RGPD4: variants seen among roughly 807,000 people sequenced by gnomAD.
RGPD4 encodes RANBP2 like and GRIP domain containing 4.
RGPD4 carries 84 observed loss-of-function variants against 141.1 expected under a neutral mutation model. The ratio of observed to expected loss-of-function variants is 0.60; its 90% CI spans 0.50 to 0.71. The LOEUF is 0.71. Among genes scored for constraint, RGPD4 ranks in the 30% least tolerant of loss-of-function variants. The probability of loss-of-function intolerance (pLI) is 0.00; values close to 1 mark genes in which losing one functional copy is unlikely to be tolerated. For synonymous variants in RGPD4, 298 were observed against 566.8 expected, an observed-to-expected ratio of 0.53 and a Z score of 6.74; for missense variants, 918 against 1,622.4, an observed-to-expected ratio of 0.57 and a Z score of 7.46.
chr2:107,828,395 G>A (rs1681316594), intron 1 of RGPD4, among the ~76,000 whole-genome samples: 1 of 10,532 alleles, frequency 9.5e-5, no homozygotes. Context: ...GGCGTGCTCT[G>A]TTGAGGCGGC....
intron 20 of RGPD4, among the ~76,000 whole-genome samples, chr2:107,878,554 G>A (rs991942523): frequency 6.6e-6 from 1 of 150,616 alleles, no homozygotes; most frequent in African/African-American, 2.5e-5. Flanking sequence ...TTACTCTAAG[G>A]TACATATGCT....
At chr2:107,846,612 G>T (rs1429793738) in intron 6 of RGPD4, among the ~76,000 whole-genome samples, 4 of 148,658 alleles carry the variant, frequency 2.7e-5, no homozygotes, top group Non-Finnish European at 6.0e-5. Context: ...AATTACAGGT[G>T]CCCACCACCA....
intron 7 of RGPD4, among the ~76,000 whole-genome samples, chr2:107,849,095 G>GT (rs1682040652): frequency 7.9e-6 from 1 of 126,784 alleles, no homozygotes; most frequent in Non-Finnish European, 1.7e-5. Context: ...TCTCTCTGTT[G>GT]CCAGGCTGGA....
At chr2:107,887,435 G>A (rs1675546575) in intron 22 of RGPD4, among the ~76,000 whole-genome samples, 1 of 152,036 alleles carries the variant, frequency 6.6e-6, no homozygotes, top group Non-Finnish European at 1.5e-5. Flanking sequence ...TTATGATGTT[G>A]GCTGTGAGTT....
At chr2:107,827,638 G>A (rs1169846565) in intron 1 of RGPD4, among the ~76,000 whole-genome samples, 4 of 45,936 alleles carry the variant, frequency 8.7e-5, no homozygotes, top group African/African-American at 4.0e-4. Context: ...CATGGCTCCC[G>A]ACGGGCGCTG....
intron 1 of RGPD4, among the ~76,000 whole-genome samples, chr2:107,831,430 C>T (rs1484602651): frequency 4.8e-5 from 7 of 146,612 alleles, no homozygotes; most frequent in African/African-American, 1.7e-4. Flanking sequence ...CTTAGGACTA[C>T]AGGCAGGCAC....
chr2:107,837,736 CT>C lies in RGPD4; in HGVS notation c.141-520del, dbSNP rs1421963449. Among the ~76,000 whole-genome samples, 2 of 12,224 alleles carry C rather than the reference CT, an allele frequency of 1.6e-4. 1 individual carries two copies. The highest frequency in any genetic ancestry group is 2.9e-4 in the Non-Finnish European group (2 of 6,856). The allele number at this position is 12,224 out of a possible 152,430, so 8.0% of individuals were successfully genotyped here. A position where few individuals can be genotyped will look rare whatever the true frequency, so the allele number is the denominator to read the frequency against. On this transcript the variant is annotated intron_variant, in intron 2 of 22. Coordinates refer to ENST00000408999, the MANE Select transcript of RGPD4 (RefSeq NM_182588.3). ...ACTTGATTTGAGAAATGGAAATTTC[CT>C]GTATTTGGTACTGTAATTAGTAATT...
chr2:107,872,684 T>C lies in RGPD4; in HGVS notation c.4680T>C (p.Phe1560=), dbSNP rs531872473. The change falls in exon 20 of 23, where the codon TTT becomes TTC. Residue 1560 remains phenylalanine, a synonymous_variant. Coordinates refer to ENST00000408999, the MANE Select transcript of RGPD4 (RefSeq NM_182588.3). The stretch of plus-strand genomic sequence containing the variant: ...GTGAAAAATCAAAACCATTTGCATT[T>C]GGCAACAGTTCTGCCACTGGGTCTT... The part of the protein sequence containing the change: ...FSSEKSKPFA[F]GNSSATGSLF... The C allele has an allele frequency of 3.1e-5, 50 of 1,611,360 alleles. No individual in the cohort carries two copies. The highest frequency in any genetic ancestry group is 3.8e-5 in the Non-Finnish European group (45 of 1,179,836).
rs1472508765 is a variant in RGPD4 at position 107,869,276 on chromosome 2, G to C, written c.2606-607G>C. ...TCATTAACAGGGGTGCCTTCTAGTT[G>C]TTTTGTTTCCTGGTAAAACAGACCA... is the stretch of plus-strand genomic sequence containing the variant. On this transcript the variant is annotated intron_variant, in intron 18 of 22. Transcript: ENST00000408999. 2.8e-5 allele frequency among the ~76,000 whole-genome samples: 2 copies of C among 70,738 alleles called. 1 individual carries two copies. The highest frequency in any genetic ancestry group is 6.4e-5 in the Non-Finnish European group (2 of 31,492). The allele number at this position is 70,738 out of a possible 152,430, so 46.4% of individuals were successfully genotyped here.
intron 19 of RGPD4, among the ~76,000 whole-genome samples, 172 bp downstream of exon 19, chr2:107,870,149 T>G (rs1230747255): frequency 1.3e-5 from 2 of 150,086 alleles, no homozygotes; most frequent in Non-Finnish European, 2.9e-5. Context: ...GTCACCTTAT[T>G]TTTGAGTTAA....
Position 107,872,243 on chromosome 2 carries a change from A to G in RGPD4, c.4239A>G (p.Pro1413=). The G allele has an allele frequency of 6.2e-7, 1 of 1,611,540 alleles. No homozygotes were observed. Residue 1413 remains proline, a synonymous_variant, in exon 20 of 23, where the codon CCA becomes CCG. Coordinates refer to ENST00000408999, the MANE Select transcript of RGPD4 (RefSeq NM_182588.3). ...TTTGTGCCAATCACACAATAACTCC[A>G]GACATGAGTTTGCAAAATATGAAAG... The part of the protein sequence containing the change: ...LKLCANHTIT[P]DMSLQNMKGT...
chr2:107,877,808 T>G (rs573212001), intron 20 of RGPD4, among the ~76,000 whole-genome samples: 28 of 151,696 alleles, frequency 1.8e-4, no homozygotes, highest in African/African-American at 5.8e-4. Context: ...ATGACTAAGG[T>G]TTTTTTTGTT....
intron 20 of RGPD4, among the ~76,000 whole-genome samples, chr2:107,878,689 T>C (rs563008039): frequency 1.9e-5 from 2 of 103,854 alleles, no homozygotes; most frequent in Admixed American, 2.2e-4. Flanking sequence ...TGGATGCTTA[T>C]TAAGTATTAC....
rs1461497583 is a variant in RGPD4 at position 107,826,987 on chromosome 2, C to G, written c.-27C>G. Reference sequence around the variant, plus strand: ...TGCGGGGCTGAGCGCTGGTTTCACGCGTCTCGGGAGCCAGGTTGGTGGCGC... The same window carrying G: ...TGCGGGGCTGAGCGCTGGTTTCACGGGTCTCGGGAGCCAGGTTGGTGGCGC... On this transcript the variant is annotated 5_prime_UTR_variant, in exon 1 of 23. Transcript: ENST00000408999. 1.3e-6 allele frequency: 2 copies of G among 1,589,046 alleles called. No individual in the cohort carries two copies. The highest frequency in any genetic ancestry group is 1.7e-6 in the Non-Finnish European group (2 of 1,169,418).
intron 22 of RGPD4, among the ~76,000 whole-genome samples, chr2:107,883,873 C>A (rs1675437220): frequency 6.6e-6 from 1 of 152,114 alleles, no homozygotes; most frequent in Admixed American, 6.6e-5. Flanking sequence ...TGTCACCCAT[C>A]TCTAACAGTT....
chr2:107,827,071 C>G lies in RGPD4; in HGVS notation c.58C>G (p.Pro20Ala). 1 of 1,591,770 alleles carries G rather than the reference C, an allele frequency of 6.3e-7. No individual in the cohort carries two copies. Residue 20 changes from proline (P) to alanine (A), a missense_variant, in exon 1 of 23, where the codon CCG becomes GCG. Physicochemically the swap from Pro to Ala is conservative, Grantham distance 27. Coordinates refer to ENST00000408999, the MANE Select transcript of RGPD4 (RefSeq NM_182588.3). ...RYVASVQGSA[P>A]SPRKKSTRGF... ...CGTCGCCTCCGTGCAGGGCTCCGCCCCGTCGCCTCGAAAGGTGAGTGGATC... is the reference window on the plus strand; with the variant it reads ...CGTCGCCTCCGTGCAGGGCTCCGCCGCGTCGCCTCGAAAGGTGAGTGGATC...
intron 6 of RGPD4, among the ~76,000 whole-genome samples, chr2:107,845,714 C>T (rs1347290362): frequency 2.3e-4 from 35 of 152,276 alleles, no homozygotes; most frequent in Non-Finnish European, 5.9e-5. Context: ...CAGGCGCCCA[C>T]CACCACGCTC....
chr2:107,826,965 G>A lies in RGPD4; in HGVS notation c.-49G>A, dbSNP rs755151219. The A allele has an allele frequency of 1.4e-5, 22 of 1,569,426 alleles. No individual in the cohort carries two copies. The highest frequency in any genetic ancestry group is 1.7e-5 in the Non-Finnish European group (20 of 1,158,776). ...TCCTGTTGGAATTGGCGACTGCTGC[G>A]GGGCTGAGCGCTGGTTTCACGCGTC... On this transcript the variant is annotated 5_prime_UTR_variant, in exon 1 of 23. Coordinates refer to ENST00000408999, the MANE Select transcript of RGPD4 (RefSeq NM_182588.3).
intron 1 of RGPD4, among the ~76,000 whole-genome samples, chr2:107,833,869 C>A (rs145424387): frequency 0.043 from 6,592 of 152,152 alleles, 234 homozygotes; most frequent in Non-Finnish European, 0.061. Context: ...AACCCCATCT[C>A]TACTGAAAAT....
Sources: gnomAD v4.1 joint callset for allele counts (sites outside exome capture counted in the v4.1 genomes callset) on GRCh38, gnomAD v4.1.1 for gene constraint, MANE v1.5 for transcripts, NCBI Gene and HGNC (gene_info 2026-07-23, HGNC 2026-07-21) for gene names.